The following VPS13C variants were observed in gnomAD, a reference collection of about 807,000 sequenced individuals.
The protein encoded by VPS13C is vacuolar protein sorting 13 homolog C, also known as intermembrane lipid transfer protein VPS13C.
In VPS13C, 358 loss-of-function variants were observed where a neutral mutation model predicts 456.8. The ratio of observed to expected loss-of-function variants is 0.78; its 90% confidence interval spans 0.72 to 0.86. The LOEUF (loss-of-function observed/expected upper bound fraction) is 0.86, where lower values mean the gene tolerates loss of function less well. VPS13C is among the 40% of genes least tolerant of loss of function. The pLI, the probability that VPS13C is intolerant of heterozygous loss-of-function variation, is 0.00. For missense variants in VPS13C, 4,818 were observed against 4,385.4 expected, an observed-to-expected ratio of 1.10 and a Z score of -2.79; for synonymous variants, 1,578 against 1,486.7, an observed-to-expected ratio of 1.06 and a Z score of -1.41.
At chr15:61,874,779 C>T in intron 77 of VPS13C, 97 bp downstream of exon 77, 1 of 1,109,268 alleles carries the variant, frequency 9.0e-7, no homozygotes, top group East Asian at 2.8e-5. Flanking sequence ...AAAGTGATCC[C>T]TCCTTTATTA....
At chr15:61,930,323 T>C (rs1245391858) in intron 50 of VPS13C, among the ~76,000 whole-genome samples, 1 of 152,178 alleles carries the variant, frequency 6.6e-6, no homozygotes, top group African/African-American at 2.4e-5. Flanking sequence ...TTTATCACCC[T>C]TGCCGGGAGA....
chr15:61,962,052 C>G (rs906079019), intron 34 of VPS13C, among the ~76,000 whole-genome samples, 159 bp from the exon 35 acceptor site: 8 of 151,924 alleles, frequency 5.3e-5, no homozygotes, highest in African/African-American at 1.7e-4. Flanking sequence ...TACGGATAAT[C>G]CATCTATAAC....
intron 1 of VPS13C, among the ~76,000 whole-genome samples, chr15:62,053,618 G>A (rs2048696643): frequency 6.6e-6 from 1 of 152,228 alleles, no homozygotes; most frequent in Admixed American, 6.5e-5. Context: ...AAAGACAGAA[G>A]AGATGACCTT....
intron 35 of VPS13C, among the ~76,000 whole-genome samples, chr15:61,960,866 A>C (rs568465842): frequency 2.8e-4 from 42 of 152,306 alleles, no homozygotes; most frequent in South Asian, 8.3e-4. Context: ...ACCTGATATC[A>C]GGAGTTTGAG....
chr15:61,898,514 A>G (rs1271985764), intron 66 of VPS13C, among the ~76,000 whole-genome samples: 1 of 152,188 alleles, frequency 6.6e-6, no homozygotes, highest in Non-Finnish European at 1.5e-5. Context: ...GAAGGCCATT[A>G]CATAATGGCA....
intron 68 of VPS13C, among the ~76,000 whole-genome samples, 158 bp from the exon 69 acceptor site, chr15:61,882,894 A>G (rs1007633342): frequency 6.6e-6 from 1 of 152,174 alleles, no homozygotes; most frequent in Non-Finnish European, 1.5e-5. Context: ...TCTCTGAAGC[A>G]AAAGCACCAC....
intron 52 of VPS13C, among the ~76,000 whole-genome samples, chr15:61,926,328 A>G (rs1018191087): frequency 2.0e-5 from 3 of 152,222 alleles, no homozygotes; most frequent in Non-Finnish European, 4.4e-5. Context: ...TGAGCCCAGT[A>G]GTTTGAGGCT....
At position 61,927,151 on chromosome 15, in the gene VPS13C, T is replaced by C. The variant is rs976864200; in HGVS notation, c.6456A>G (p.Arg2152=). 3 of 1,614,090 alleles carry C rather than the reference T, an allele frequency of 1.9e-6. No individual in the cohort carries two copies. Among genetic ancestry groups the C allele is most frequent in the Non-Finnish European group, 2.5e-6 (3 of 1,180,040 alleles). ...AAGGGCAAGCGAGCACTTTCAGATC[T>C]CTCACAGAAGCTTCCATCATCTGTT... ...KLEQMMEASV[R]DLKVLACPFL... Residue 2152 remains arginine, a synonymous_variant, in exon 52 of 85, where the codon AGA becomes AGG. Coordinates refer to ENST00000644861, the MANE Select transcript of VPS13C (RefSeq NM_020821.3).
chr15:62,029,382 C>T (rs1161613742), intron 5 of VPS13C, among the ~76,000 whole-genome samples: 1 of 152,096 alleles, frequency 6.6e-6, no homozygotes, highest in East Asian at 1.9e-4. Context: ...AACCCTACAT[C>T]CAACTACTCT....
At chr15:61,912,092 C>A in intron 62 of VPS13C, 88 bp from the exon 63 acceptor site, 3 of 1,122,864 alleles carry the variant, frequency 2.7e-6, no homozygotes, top group Non-Finnish European at 3.5e-6. Context: ...AAACTTCTTA[C>A]AATATTTTAA....
intron 27 of VPS13C, 69 bp downstream of exon 27, chr15:61,972,556 T>A: frequency 1.3e-6 from 2 of 1,542,798 alleles, no homozygotes; most frequent in East Asian, 4.5e-5. Flanking sequence ...CATTTGGGTC[T>A]AGCTTGAGGA....
Position 61,967,436 on chromosome 15 carries a change from T to C in VPS13C, c.2923A>G (p.Lys975Glu), listed in dbSNP as rs2045411872. ...GAAGAGCTAATCAAGTGAAGGGGCT[T>C]CCTTTTGGATCCTAGATTAAAGAAA... ...DYHEIEGSKR[K>E]PLHLISSSDK... is the part of the protein sequence containing the mutation. Residue 975 changes from lysine to glutamate, a missense_variant, in exon 29 of 85, where the codon AAG becomes GAG. Lys to Glu is a moderately conservative substitution (Grantham distance 56). This residue lies in a region of VPS13C where 4,552 missense variants were observed against 4,130.6 expected (regional missense o/e 1.10). Transcript: ENST00000644861. 3 of 1,596,192 alleles carry C rather than the reference T, an allele frequency of 1.9e-6. No homozygotes were observed. The highest frequency in any genetic ancestry group is 2.3e-5 in the South Asian group (2 of 87,288).
chr15:61,965,365 A>C (rs1303405766), intron 30 of VPS13C, among the ~76,000 whole-genome samples: 1 of 151,982 alleles, frequency 6.6e-6, no homozygotes, highest in Non-Finnish European at 1.5e-5. Context: ...TTATCATTTA[A>C]AAAGAAACAC....
chr15:61,882,701 G>A lies in VPS13C; in HGVS notation c.9519C>T (p.Leu3173=), dbSNP rs1252084806. The change falls in exon 69 of 85, where the codon CTC becomes CTT. Residue 3173 remains leucine (L), a synonymous_variant. Transcript: ENST00000644861. ...NFDKDPMEMR[L]PIRSPIKRDF... is the part of the protein sequence containing the mutation. ...CTCGTTTAATAGGGCTACGAATAGGGAGGCGCATTTCCATTGGATCTTTAT... is the reference window on the plus strand; with the variant it reads ...CTCGTTTAATAGGGCTACGAATAGGAAGGCGCATTTCCATTGGATCTTTAT... 6.3e-7 allele frequency: 1 copy of A among 1,589,822 alleles called. No homozygotes were observed.
At chr15:61,938,096 A>G (rs1353616021) in intron 47 of VPS13C, among the ~76,000 whole-genome samples, 1 of 152,192 alleles carries the variant, frequency 6.6e-6, no homozygotes, top group African/African-American at 2.4e-5. Context: ...ATTTAAGTAC[A>G]AGATAATGAC....
rs1335346067 is a variant in VPS13C at position 62,048,358 on chromosome 15, G to GT, written c.101-4104dup. Among the ~76,000 whole-genome samples, 52 of 145,234 alleles carry GT rather than the reference G, an allele frequency of 3.6e-4. No individual in the cohort carries two copies. In the East Asian group the frequency reaches 0.01, roughly 29 times the overall value. On this transcript the variant is annotated intron_variant, in intron 1 of 84. Transcript: ENST00000644861. Reference sequence around the variant, plus strand: ...TATGAGTGAGAACATGTGGTGTTTGGTTTTTTGTCCTTGCGATAGTTTACT... The same window carrying GT: ...TATGAGTGAGAACATGTGGTGTTTGGTTTTTTTGTCCTTGCGATAGTTTACT...
intron 45 of VPS13C, among the ~76,000 whole-genome samples, chr15:61,943,946 C>T (rs2044519179): frequency 6.8e-6 from 1 of 147,416 alleles, no homozygotes; most frequent in Admixed American, 6.7e-5. Context: ...AGTGAACAAG[C>T]AAAAAACAAA....
chr15:61,967,504 T>G (rs2045414968), intron 28 of VPS13C, 57 bp from the exon 29 acceptor site: 1 of 1,346,788 alleles, frequency 7.4e-7, no homozygotes, highest in African/African-American at 1.5e-5. Context: ...TTTTGTAATT[T>G]GAAACATTTT....
At chr15:61,948,877 A>T (rs796810384) in intron 42 of VPS13C, among the ~76,000 whole-genome samples, 8 of 152,352 alleles carry the variant, frequency 5.3e-5, no homozygotes, top group African/African-American at 1.9e-4. Flanking sequence ...AAAGTAAGCA[A>T]ATGTTATTTA....
Sources: gnomAD v4.1 joint callset for allele counts (sites outside exome capture counted in the v4.1 genomes callset) on GRCh38, gnomAD v4.1.1 for gene constraint, gnomAD v4.1.1 regional missense constraint, MANE v1.5 for transcripts, NCBI Gene and HGNC (gene_info 2026-07-23, HGNC 2026-07-21) for gene names.